Variants in PRH1 observed in about 807,000 individuals in gnomAD.
PRH1 encodes the protein salivary acidic proline-rich phosphoprotein 1/2.
PRH1 carries 7 observed loss-of-function variants against 7.9 expected under a neutral mutation model. The observed-to-expected ratio is 0.89, with a 90% CI of 0.50 to 1.67. The LOEUF (loss-of-function observed/expected upper bound fraction) is 1.67. PRH1 is among the 40% of genes most tolerant of loss of function. PRH1 has a pLI of 0.00. For synonymous variants in PRH1, 45 were observed against 80.8 expected (o/e 0.56, Z 2.38); for missense variants, 109 against 223.6 (o/e 0.49, Z 3.27).
intron 1 of PRH1, among the ~76,000 whole-genome samples, chr12:11,045,373 G>A (rs1388665808): frequency 6.6e-6 from 1 of 151,572 alleles, no homozygotes; most frequent in Non-Finnish European, 1.5e-5. Flanking sequence ...TAGCACAGCA[G>A]GGTGACTATA....
In PRH1 at chr12:11,093,317, A is replaced by C. The variant is rs1470782279; in HGVS notation, n.124-46129T>G. On this transcript the variant is annotated intron_variant and non_coding_transcript_variant, in intron 1 of 4. Coordinates refer to the PRH1 transcript ENST00000541977. ...TTTCTTGAGAACCACAGGCAGGCCAATCCTCCATAAGATCTGGTTGCTGCT... is the reference window on the plus strand; with the variant it reads ...TTTCTTGAGAACCACAGGCAGGCCACTCCTCCATAAGATCTGGTTGCTGCT... 5.2e-5 allele frequency among the ~76,000 whole-genome samples: 6 copies of C among 116,324 alleles called. 2 individuals carry two copies. Among genetic ancestry groups the C allele is most frequent in the South Asian group, 4.7e-4 (2 of 4,248 alleles). The allele number at this position is 116,324 out of a possible 152,430, so 76.3% of individuals were successfully genotyped here.
chr12:10,971,797 ATTC>A (rs943274228), intron 2 of PRH1, among the ~76,000 whole-genome samples: 1 of 152,072 alleles, frequency 6.6e-6, no homozygotes, highest in Non-Finnish European at 1.5e-5. Context: ...ACATTTTATA[ATTC>A]TTTTTCTATT....
intron 2 of PRH1, among the ~76,000 whole-genome samples, chr12:10,913,570 T>G (rs1476105683): frequency 6.6e-6 from 1 of 152,246 alleles, no homozygotes; most frequent in African/African-American, 2.4e-5. Context: ...GTTATTAGGA[T>G]TTAGATATAT....
chr12:11,131,181 A>G (rs1946330606), intron 1 of PRH1, among the ~76,000 whole-genome samples: 2 of 152,156 alleles, frequency 1.3e-5, no homozygotes, highest in Non-Finnish European at 2.9e-5. Flanking sequence ...GAGCAGATAC[A>G]TTCTCCCTCC....
At position 10,939,235 on chromosome 12, in the gene PRH1, A is replaced by G. The variant is rs754556008; in HGVS notation, c.-59+34420T>C. 1.2e-5 allele frequency: 16 copies of G among 1,344,952 alleles called. No individual in the cohort carries two copies. In the Admixed American group the frequency reaches 1.8e-4, roughly 15 times the overall value. 83.3% of individuals were successfully genotyped at this position (1,344,952 alleles called of 1,614,324 possible). ...CCTGTAAGAGCATGCCCCAATGTCTAATATCACTGCTGAAGACTTCTTAAT... is the reference window on the plus strand; with the variant it reads ...CCTGTAAGAGCATGCCCCAATGTCTGATATCACTGCTGAAGACTTCTTAAT... On this transcript the variant is annotated intron_variant, in intron 2 of 3. Transcript: ENST00000539853.
intron 1 of PRH1, chr12:11,030,592 T>C (rs116737741): frequency 0.14 from 223,489 of 1,614,136 alleles, 16,492 homozygotes; most frequent in Non-Finnish European, 0.15. Context: ...AACTCCAAAC[T>C]GATATCATTA....
chr12:11,142,661 T>A (rs1319714789), intron 1 of PRH1, among the ~76,000 whole-genome samples: 1 of 152,084 alleles, frequency 6.6e-6, no homozygotes, highest in Admixed American at 6.5e-5. Flanking sequence ...AATTTAATAA[T>A]CAATTTCCCT....
At chr12:10,970,996 T>C (rs1224865995) in intron 2 of PRH1, among the ~76,000 whole-genome samples, 1 of 152,220 alleles carries the variant, frequency 6.6e-6, no homozygotes, top group Non-Finnish European at 1.5e-5. Flanking sequence ...ATTATTTTAC[T>C]TTTTTTGCCT....
At chr12:10,926,898 T>C (rs1226360826) in intron 2 of PRH1, among the ~76,000 whole-genome samples, 2 of 152,172 alleles carry the variant, frequency 1.3e-5, no homozygotes, top group African/African-American at 4.8e-5. Context: ...TGAACATCCA[T>C]AGTAGAAGGG....
intron 2 of PRH1, among the ~76,000 whole-genome samples, chr12:10,923,159 C>G (rs557128143): frequency 3.6e-4 from 49 of 134,964 alleles, no homozygotes; most frequent in Non-Finnish European, 6.8e-4. Context: ...GAGTTTTGCT[C>G]TTGTTGCCCA....
chr12:11,102,367 A>G (rs1380401927), intron 1 of PRH1, among the ~76,000 whole-genome samples: 2 of 152,240 alleles, frequency 1.3e-5, no homozygotes, highest in African/African-American at 2.4e-5. Flanking sequence ...GGAACAGAAC[A>G]GAGCCCTCAC....
chr12:10,986,533 T>C (rs748717785), intron 1 of PRH1: 1 of 1,614,106 alleles, frequency 6.2e-7, no homozygotes, highest in Admixed American at 1.7e-5. Flanking sequence ...AAATTGGCAA[T>C]CTTGAGCAAA....
At chr12:11,140,981 T>C (rs913531322) in intron 1 of PRH1, among the ~76,000 whole-genome samples, 6 of 150,660 alleles carry the variant, frequency 4.0e-5, no homozygotes, top group Non-Finnish European at 7.4e-5. Context: ...CCAATAGTCC[T>C]TAAAACCTGG....
chr12:11,106,692 C>A (rs1215650479), intron 1 of PRH1, among the ~76,000 whole-genome samples: 1 of 152,070 alleles, frequency 6.6e-6, no homozygotes, highest in Non-Finnish European at 1.5e-5. Context: ...GATTTTATTT[C>A]TTTTCCATTT....
At chr12:11,020,311 G>T (rs200241499) in intron 1 of PRH1, among the ~76,000 whole-genome samples, 1,130 of 17,976 alleles carry the variant, frequency 0.063, no homozygotes, top group East Asian at 0.32. Flanking sequence ...AGACAGATAT[G>T]ACCTCTCTTT....
intron 2 of PRH1, among the ~76,000 whole-genome samples, chr12:10,972,934 C>CCCG (rs1555119322): frequency 1.6e-4 from 19 of 120,732 alleles, no homozygotes; most frequent in African/African-American, 3.0e-4. Flanking sequence ...CACAACCCAC[C>CCCG]CCCCCCGCCC....
intron 2 of PRH1, among the ~76,000 whole-genome samples, chr12:10,936,766 T>C (rs1950295488): frequency 1.3e-5 from 2 of 152,280 alleles, no homozygotes; most frequent in South Asian, 4.1e-4. Context: ...ACGGCCTCAC[T>C]GTATGGCCTA....
chr12:11,107,398 T>C (rs1400150602), intron 1 of PRH1, among the ~76,000 whole-genome samples: 1 of 152,178 alleles, frequency 6.6e-6, no homozygotes, highest in African/African-American at 2.4e-5. Flanking sequence ...AAAATTATAT[T>C]TTCAATTTGT....
At chr12:10,951,590 T>C (rs1565494885) in intron 2 of PRH1, among the ~76,000 whole-genome samples, 1 of 152,188 alleles carries the variant, frequency 6.6e-6, no homozygotes, top group Non-Finnish European at 1.5e-5. Context: ...CCTATTTTCC[T>C]ACTCATAATT....
Sources: gnomAD v4.1 joint callset for allele counts (sites outside exome capture counted in the v4.1 genomes callset) on GRCh38, gnomAD v4.1.1 for gene constraint, MANE v1.5 for transcripts, NCBI Gene and HGNC (gene_info 2026-07-23, HGNC 2026-07-21) for gene names.